GLT1D1: variants seen among roughly 807,000 people sequenced by gnomAD.
GLT1D1 encodes the protein glycosyltransferase 1 domain containing 1.
GLT1D1 carries 21 observed loss-of-function variants against 28.7 expected under a neutral mutation model. That is an observed-to-expected ratio of 0.73 (90% CI 0.52 to 1.05). The LOEUF (loss-of-function observed/expected upper bound fraction) is 1.05. Ranked by LOEUF, GLT1D1 falls within the 50% of genes least tolerant of loss-of-function variation. The pLI is 0.00. For synonymous variants in GLT1D1, 147 were observed against 124.8 expected (o/e 1.18, Z -1.19); for missense variants, 343 against 330.6 (o/e 1.04, Z -0.29).
intron 7 of GLT1D1, among the ~76,000 whole-genome samples, chr12:128,975,693 C>G (rs1382516638): frequency 6.6e-6 from 1 of 152,190 alleles, no homozygotes; most frequent in African/African-American, 2.4e-5. Context: ...CTCAAGTGAT[C>G]CACCCGCCTT....
chr12:128,861,120 C>T (rs1468728039), intron 1 of GLT1D1, among the ~76,000 whole-genome samples: 2 of 152,152 alleles, frequency 1.3e-5, no homozygotes, highest in East Asian at 1.9e-4. Flanking sequence ...TCCTTGGAAA[C>T]ACTGAAATCA....
intron 7 of GLT1D1, among the ~76,000 whole-genome samples, chr12:128,969,371 T>C (rs1003812920): frequency 2.0e-5 from 3 of 152,184 alleles, no homozygotes; most frequent in African/African-American, 7.2e-5. Context: ...ACCCTGATTC[T>C]CTCTGTATTC....
At chr12:128,928,627 T>C (rs1873539112) in intron 4 of GLT1D1, among the ~76,000 whole-genome samples, 2 of 151,560 alleles carry the variant, frequency 1.3e-5, no homozygotes, top group East Asian at 1.9e-4. Context: ...TTTTTTTCTT[T>C]CTTTCTTTTT....
chr12:128,907,303 CTTTT>C (rs11341281), intron 4 of GLT1D1, among the ~76,000 whole-genome samples: 41,081 of 116,414 alleles, frequency 0.35, 6,014 homozygotes, highest in Admixed American at 0.46. Context: ...GGAAGCTAAT[CTTTT>C]TTTTTTTTTT....
At chr12:128,952,857 A>C (rs528476) in intron 6 of GLT1D1, among the ~76,000 whole-genome samples, 146,423 of 147,576 alleles carry the variant, frequency 0.99, 72,644 homozygotes, top group East Asian at 1. Flanking sequence ...TGGCTCACTG[A>C]AGCTTCCACC....
intron 6 of GLT1D1, among the ~76,000 whole-genome samples, chr12:128,955,317 T>C (rs75034055): frequency 8.5e-6 from 1 of 117,496 alleles, no homozygotes; most frequent in African/African-American, 2.7e-5. Context: ...TACAGTCTCT[T>C]TCTCTCTCTT....
At chr12:128,910,933 A>C (rs1051877219) in intron 4 of GLT1D1, among the ~76,000 whole-genome samples, 15 of 151,490 alleles carry the variant, frequency 9.9e-5, no homozygotes, top group African/African-American at 3.6e-4. Context: ...CACCTTCTTT[A>C]TTTTTTTTAT....
chr12:128,897,427 T>C (rs1869768117), intron 3 of GLT1D1, among the ~76,000 whole-genome samples: 1 of 152,190 alleles, frequency 6.6e-6, no homozygotes, highest in African/African-American at 2.4e-5. Context: ...CATAGCTTTT[T>C]TTCTTTCTCC....
chr12:128,935,198 G>A (rs1193557996), intron 4 of GLT1D1, among the ~76,000 whole-genome samples: 1 of 152,136 alleles, frequency 6.6e-6, no homozygotes, highest in African/African-American at 2.4e-5. Flanking sequence ...AGTTTTCTTT[G>A]AATATCATCT....
At position 128,956,158 on chromosome 12, in the gene GLT1D1, C is replaced by CAAAAAAAAAAAAAAAAAAAAAAAAA. The variant is rs1555219265; in HGVS notation, c.541-1373_541-1372insAAAAAAAAAAAAAAAAAAAAAAAAA. On this transcript the variant is annotated intron_variant, in intron 6 of 7. Transcript: ENST00000281703. ...TGGGTGACAGAGCGAGACTCCATCTCAAAAAAAAAAAAAAGAGAAAGAGAG... is the reference window on the plus strand; with the variant it reads ...TGGGTGACAGAGCGAGACTCCATCTCAAAAAAAAAAAAAAAAAAAAAAAAAAAAAAAAAAAAAAAGAGAAAGAGAG... Among the ~76,000 whole-genome samples, 10 of 7,462 alleles carry CAAAAAAAAAAAAAAAAAAAAAAAAA rather than the reference C, an allele frequency of 1.3e-3. 3 individuals are homozygous for CAAAAAAAAAAAAAAAAAAAAAAAAA. Among genetic ancestry groups the CAAAAAAAAAAAAAAAAAAAAAAAAA allele is most frequent in the African/African-American group, 3.5e-3 (9 of 2,564 alleles). The allele number at this position is 7,462 out of a possible 152,430, so 4.9% of individuals were successfully genotyped here.
chr12:128,908,538 CTTCT>C (rs1368186012), intron 4 of GLT1D1, among the ~76,000 whole-genome samples: 1 of 131,054 alleles, frequency 7.6e-6, no homozygotes, highest in African/African-American at 2.9e-5. Context: ...CTTCTTTCTT[CTTCT>C]TTTTTTTTTA....
intron 2 of GLT1D1, among the ~76,000 whole-genome samples, chr12:128,880,814 A>G (rs1957013788): frequency 6.6e-6 from 1 of 152,210 alleles, no homozygotes; most frequent in South Asian, 2.1e-4. Context: ...CAGTTTCGCC[A>G]CCCAGAAACG....
Position 128,957,589 on chromosome 12 carries a change from G to A in GLT1D1, c.585G>A (p.Gly195=), listed in dbSNP as rs1565912283. 6.2e-7 allele frequency: 1 copy of A among 1,613,968 alleles called. No individual in the cohort carries two copies. Among genetic ancestry groups the A allele is most frequent in the African/African-American group, 1.3e-5 (1 of 75,020 alleles). ...CGGTATTGGCCAGGAACATCCCCGG[G>A]AATGCTGCCGTGGTGAAGCATGAAG... The change falls in exon 7 of 8, where the codon GGG becomes GGA. Residue 195 remains glycine (G), a synonymous_variant. Coordinates refer to ENST00000281703, the MANE Select transcript of GLT1D1 (RefSeq NM_144669.3).
intron 7 of GLT1D1, among the ~76,000 whole-genome samples, chr12:128,973,179 GTTTT>G (rs61169176): frequency 7.1e-4 from 36 of 50,986 alleles, no homozygotes; most frequent in South Asian, 4.6e-3. Context: ...TGTTTGCTTG[GTTTT>G]TTTTTTTTTT....
rs1327745916 is a variant in GLT1D1, at chr12:128,928,792, T to G, written c.376-16534T>G. Among the ~76,000 whole-genome samples, 5 of 151,970 alleles carry G rather than the reference T, an allele frequency of 3.3e-5. No homozygotes were observed. In the East Asian group the frequency reaches 9.7e-4, roughly 30 times the overall value. The stretch of plus-strand genomic sequence containing the variant: ...CCTGCCACCACACCTGGCTAATTTT[T>G]GTATTTTTAGTAGGGACGGGGGTTT... On this transcript the variant is annotated intron_variant, in intron 4 of 7. Coordinates refer to ENST00000281703, the MANE Select transcript of GLT1D1 (RefSeq NM_144669.3).
intron 1 of GLT1D1, among the ~76,000 whole-genome samples, chr12:128,855,354 G>A (rs1252445487): frequency 6.6e-6 from 1 of 151,972 alleles, no homozygotes; most frequent in Non-Finnish European, 1.5e-5. Context: ...TTGAGCCCAG[G>A]AGTTAAAGAC....
chr12:128,861,148 G>A (rs998681735), intron 1 of GLT1D1, among the ~76,000 whole-genome samples: 7 of 152,306 alleles, frequency 4.6e-5, no homozygotes, highest in East Asian at 1.9e-4. Context: ...AAACCAGGGC[G>A]ACAAACTGCT....
chr12:128,927,992 T>C, intron 4 of GLT1D1, among the ~76,000 whole-genome samples: 1 of 71,236 alleles, frequency 1.4e-5, no homozygotes, highest in Non-Finnish European at 2.5e-5. Flanking sequence ...AGAGCAAGAC[T>C]CTGTCTCAAA....
intron 4 of GLT1D1, among the ~76,000 whole-genome samples, chr12:128,905,940 T>G (rs1368747779): frequency 1.3e-5 from 2 of 151,474 alleles, no homozygotes; most frequent in African/African-American, 4.9e-5. Context: ...CAGACGATCC[T>G]CTCCCCCTCA....
Sources: gnomAD v4.1 joint callset for allele counts (sites outside exome capture counted in the v4.1 genomes callset) on GRCh38, gnomAD v4.1.1 for gene constraint, MANE v1.5 for transcripts, NCBI Gene and HGNC (gene_info 2026-07-23, HGNC 2026-07-21) for gene names.